C12orf54: variants seen among roughly 807,000 people sequenced by gnomAD.
C12orf54 encodes the protein chromosome 12 open reading frame 54.
A neutral mutation model predicts 26.4 loss-of-function variants in C12orf54; 24 were observed. That is an observed-to-expected ratio of 0.91 (90% CI 0.66 to 1.28). The LOEUF is 1.28. Ranked by LOEUF, C12orf54 falls within the 50% of genes most tolerant of loss-of-function variation. C12orf54 has a pLI of 0.00. For synonymous variants in C12orf54, 54 were observed against 47.0 expected (o/e 1.15, Z -0.61); for missense variants, 154 against 150.9 (o/e 1.02, Z -0.11).
the C12orf54 span, among the ~76,000 whole-genome samples, chr12:48,428,768 C>A: frequency 2.6e-5 from 4 of 152,036 alleles, no homozygotes; most frequent in African/African-American, 7.2e-5. Context: ...ATCCTATTGA[C>A]ACCATTCCAC....
chr12:48,423,410 A>T, the C12orf54 span, among the ~76,000 whole-genome samples: 2 of 152,152 alleles, frequency 1.3e-5, no homozygotes, highest in Non-Finnish European at 2.9e-5. Context: ...ACATGTAGAT[A>T]AGCAAAATAC....
chr12:48,455,312 G>A, the C12orf54 span, among the ~76,000 whole-genome samples: 6 of 152,202 alleles, frequency 3.9e-5, 1 homozygote, highest in African/African-American at 7.2e-5. Context: ...ATTCTATGGT[G>A]TATATATACC....
At chr12:48,418,421 A>C in the C12orf54 span, among the ~76,000 whole-genome samples, 3 of 152,076 alleles carry the variant, frequency 2.0e-5, no homozygotes, top group Non-Finnish European at 4.4e-5. Context: ...TTGTTGTGTG[A>C]TTTTTCTCCA....
the C12orf54 span, among the ~76,000 whole-genome samples, chr12:48,426,903 T>G: frequency 6.6e-6 from 1 of 152,076 alleles, no homozygotes; most frequent in Admixed American, 6.6e-5. Context: ...TGTATAGGAA[T>G]GTTAAGAATT....
chr12:48,473,177 G>C, the C12orf54 span: 1 of 1,449,680 alleles, frequency 6.9e-7, no homozygotes, highest in Non-Finnish European at 9.7e-7. Context: ...ATGACAAGGA[G>C]GAGGATGAGG....
chr12:48,478,781 T>A (rs866092564), upstream of C12orf54, among the ~76,000 whole-genome samples: 1 of 152,164 alleles, frequency 6.6e-6, no homozygotes, highest in Non-Finnish European at 1.5e-5. Flanking sequence ...ACCATCACTG[T>A]GCATCAGAGA....
the C12orf54 span, among the ~76,000 whole-genome samples, chr12:48,462,878 A>G: frequency 6.6e-6 from 1 of 151,878 alleles, no homozygotes; most frequent in Admixed American, 6.6e-5. Flanking sequence ...TAAACATTGT[A>G]CTATAGATTC....
At chr12:48,496,027 A>C (rs773868969) in intron 8 of C12orf54, among the ~76,000 whole-genome samples, 154 bp from the exon 9 acceptor site, 1 of 152,202 alleles carries the variant, frequency 6.6e-6, no homozygotes, top group Admixed American at 6.5e-5. Context: ...TCTCCTCCTT[A>C]GTTCCTGTTG....
At chr12:48,442,093 A>C in the C12orf54 span, 1 of 153,514 alleles carries the variant, frequency 6.5e-6, no homozygotes, top group Non-Finnish European at 1.5e-5. Flanking sequence ...TCAGGCTGTA[A>C]ATGAGGAGAT....
chr12:48,463,785 T>A, the C12orf54 span, among the ~76,000 whole-genome samples: 1 of 151,990 alleles, frequency 6.6e-6, no homozygotes, highest in Non-Finnish European at 1.5e-5. Flanking sequence ...CATATACAAT[T>A]CAACAAATGT....
At chr12:48,420,215 G>C in the C12orf54 span, among the ~76,000 whole-genome samples, 29 of 152,288 alleles carry the variant, frequency 1.9e-4, no homozygotes, top group African/African-American at 7.0e-4. Flanking sequence ...AGCTGAGCCT[G>C]CAAGCCCAGG....
chr12:48,433,469 GC>G, the C12orf54 span, among the ~76,000 whole-genome samples: 1 of 119,974 alleles, frequency 8.3e-6, no homozygotes, highest in Non-Finnish European at 1.7e-5. Flanking sequence ...GGGGGGGGGG[GC>G]AGGATCTTGC....
intron 7 of C12orf54, among the ~76,000 whole-genome samples, chr12:48,493,923 T>TAA (rs71080114): frequency 7.4e-5 from 11 of 148,784 alleles, no homozygotes; most frequent in Non-Finnish European, 1.3e-4. Context: ...AAATAATGTT[T>TAA]AAAAAAAAAA....
At chr12:48,494,614 C>T (rs1227694027) in intron 7 of C12orf54, among the ~76,000 whole-genome samples, 184 bp from the exon 8 acceptor site, 2 of 152,070 alleles carry the variant, frequency 1.3e-5, no homozygotes, top group Non-Finnish European at 2.9e-5. Flanking sequence ...CTAAAGCCCA[C>T]CCAACAAGAG....
chr12:48,433,879 T>A, the C12orf54 span, among the ~76,000 whole-genome samples: 1 of 152,208 alleles, frequency 6.6e-6, no homozygotes, highest in Non-Finnish European at 1.5e-5. Context: ...TCTGAGGTAC[T>A]GGGTTCATCT....
the C12orf54 span, among the ~76,000 whole-genome samples, chr12:48,464,053 C>T: frequency 0.14 from 22,000 of 151,800 alleles, 2,805 homozygotes; most frequent in East Asian, 0.66. Context: ...CTCTATTCAA[C>T]GTAGTATTGG....
In C12orf54 at chr12:48,483,280, T is replaced by C. The variant is rs1003304788; in HGVS notation, c.-17T>C. On this transcript the variant is annotated 5_prime_UTR_variant, in exon 2 of 9. Coordinates refer to ENST00000548364, the MANE Select transcript of C12orf54 (RefSeq NM_152319.4). ...CCATCTTCAGCTCCAGAGTCCTTGG[T>C]TTCTGTCTGAGAACAAATGGCACAG... is the stretch of plus-strand genomic sequence containing the variant. 2 of 1,613,334 alleles carry C rather than the reference T, an allele frequency of 1.2e-6. No homozygotes were observed. Among genetic ancestry groups the C allele is most frequent in the African/African-American group, 1.3e-5 (1 of 74,868 alleles).
At chr12:48,427,997 C>G in the C12orf54 span, among the ~76,000 whole-genome samples, 1 of 151,874 alleles carries the variant, frequency 6.6e-6, no homozygotes, top group African/African-American at 2.4e-5. Flanking sequence ...GGAATAAAAC[C>G]AGAAATCAAC....
the C12orf54 span, among the ~76,000 whole-genome samples, chr12:48,415,740 A>G: frequency 6.6e-5 from 10 of 152,100 alleles, no homozygotes; most frequent in African/African-American, 1.9e-4. Context: ...TGAATACTCC[A>G]TACACCCCAT....
Sources: allele counts gnomAD v4.1 joint callset (sites outside exome capture counted in the v4.1 genomes callset), GRCh38; gene constraint gnomAD v4.1.1; transcripts MANE v1.5; gene names NCBI Gene and HGNC (gene_info 2026-07-23, HGNC 2026-07-21).